Variants in OR3A2 observed in about 807,000 individuals in gnomAD.
The protein encoded by OR3A2 is olfactory receptor 3A2.
For missense variants in OR3A2, 318 were observed against 392.8 expected (o/e 0.81, Z 1.61); for synonymous variants, 126 against 159.3 (o/e 0.79, Z 1.57).
intron 2 of OR3A2, among the ~76,000 whole-genome samples, chr17:3,338,439 A>G (rs968714168): frequency 1.3e-5 from 2 of 152,068 alleles, no homozygotes; most frequent in African/African-American, 2.4e-5. Flanking sequence ...ATCTTGAATT[A>G]ATTTTTGTAT....
intron 2 of OR3A2, among the ~76,000 whole-genome samples, chr17:3,354,496 T>C (rs2049447658): frequency 1.3e-5 from 2 of 151,368 alleles, no homozygotes; most frequent in Admixed American, 6.6e-5. Flanking sequence ...GATTTCTTTA[T>C]GGTTTGATCT....
chr17:3,313,858 T>C (rs1307867232), intron 3 of OR3A2, among the ~76,000 whole-genome samples: 1 of 152,232 alleles, frequency 6.6e-6, no homozygotes, highest in Non-Finnish European at 1.5e-5. Context: ...AGATAGCTGA[T>C]GTTCAAGCCA....
At chr17:3,350,005 C>A (rs230461) in intron 2 of OR3A2, among the ~76,000 whole-genome samples, 2,900 of 147,186 alleles carry the variant, frequency 0.02, 107 homozygotes, top group African/African-American at 0.068. Context: ...ACACAACATA[C>A]CAGAATCTCT....
chr17:3,368,272 C>G (rs1040142397), intron 2 of OR3A2, among the ~76,000 whole-genome samples: 8 of 152,110 alleles, frequency 5.3e-5, no homozygotes, highest in African/African-American at 1.9e-4. Context: ...GTTTTTATTG[C>G]ATTTGCTTTT....
chr17:3,374,264 A>T (rs2049659823), intron 2 of OR3A2, among the ~76,000 whole-genome samples: 1 of 152,176 alleles, frequency 6.6e-6, no homozygotes, highest in African/African-American at 2.4e-5. Flanking sequence ...TAACCTGATG[A>T]CTATCTGCCC....
intron 3 of OR3A2, among the ~76,000 whole-genome samples, chr17:3,329,962 G>A (rs1419825959): frequency 1.4e-5 from 2 of 145,086 alleles, no homozygotes; most frequent in African/African-American, 2.7e-5. Context: ...CCTTCATTTC[G>A]TTATGTATCC....
chr17:3,282,921 A>G (rs1224557705), intron 1 of OR3A2, among the ~76,000 whole-genome samples: 1 of 152,092 alleles, frequency 6.6e-6, no homozygotes, highest in Non-Finnish European at 1.5e-5. Flanking sequence ...ATATTTCACA[A>G]CTTGACTCAA....
chr17:3,342,439 AG>A (rs1319076269), intron 2 of OR3A2, among the ~76,000 whole-genome samples: 1 of 152,172 alleles, frequency 6.6e-6, no homozygotes, highest in Non-Finnish European at 1.5e-5. Flanking sequence ...GGTGACCTAC[AG>A]ATGGGGTTTT....
intron 3 of OR3A2, among the ~76,000 whole-genome samples, chr17:3,334,059 C>A (rs2049259965): frequency 6.6e-6 from 1 of 152,140 alleles, no homozygotes; most frequent in East Asian, 1.9e-4. Context: ...ATTAAGATAT[C>A]ATCTCACACC....
Position 3,311,815 on chromosome 17 carries a change from ATTGGGAT to A in OR3A2, c.-85+24211_-85+24217del. ...CTCAGCCTCAGACAAAGATAAGGGG[ATTGGGAT>A]CCTCAACACTATCCTCAGTCCCATG... On this transcript the variant is annotated intron_variant, in intron 3 of 4. Transcript: ENST00000573491. The surrounding 1 kb of genome is among the most constrained non-coding windows in gnomAD (Gnocchi z 4.6). 1 of 195,974 alleles carries A rather than the reference ATTGGGAT, an allele frequency of 5.1e-6. No individual in the cohort carries two copies. The highest frequency in any genetic ancestry group is 1.1e-5 in the Non-Finnish European group (1 of 92,812). The allele number at this position is 195,974 out of a possible 1,614,324, so 12.1% of individuals were successfully genotyped here. A position where few individuals can be genotyped will look rare whatever the true frequency, so the allele number is the denominator to read the frequency against.
At chr17:3,324,921 A>G (rs1423390969) in intron 3 of OR3A2, among the ~76,000 whole-genome samples, 1 of 152,066 alleles carries the variant, frequency 6.6e-6, no homozygotes, top group Non-Finnish European at 1.5e-5. Flanking sequence ...TTTCCTTATT[A>G]AATCTGTCCT....
At chr17:3,306,087 T>C (rs1327738541) in intron 3 of OR3A2, among the ~76,000 whole-genome samples, 4 of 152,192 alleles carry the variant, frequency 2.6e-5, no homozygotes, top group African/African-American at 7.2e-5. Flanking sequence ...GTTCAGCAGC[T>C]CAGTGGAAGA....
intron 3 of OR3A2, among the ~76,000 whole-genome samples, chr17:3,325,672 C>G (rs2049165386): frequency 6.6e-6 from 1 of 151,962 alleles, no homozygotes; most frequent in African/African-American, 2.4e-5. Context: ...TTTTTCTGAT[C>G]AAGCCTCTTT....
At chr17:3,372,244 C>CTCCTCACTT (rs1346068535) in intron 2 of OR3A2, among the ~76,000 whole-genome samples, 1 of 148,534 alleles carries the variant, frequency 6.7e-6, no homozygotes, top group Non-Finnish European at 1.5e-5. Context: ...GGCAGAGATG[C>CTCCTCACTT]TCCTCACTTC....
At chr17:3,371,531 A>C (rs1270337179) in intron 2 of OR3A2, among the ~76,000 whole-genome samples, 347 of 96,390 alleles carry the variant, frequency 3.6e-3, no homozygotes, top group African/African-American at 0.013. Context: ...TGACCCCACC[A>C]CCTCCCTCCC....
At chr17:3,356,900 T>C (rs1289928121) in intron 2 of OR3A2, among the ~76,000 whole-genome samples, 1 of 151,682 alleles carries the variant, frequency 6.6e-6, no homozygotes, top group Non-Finnish European at 1.5e-5. Context: ...TTTTTTTCAC[T>C]AGAAGTTTCT....
intron 2 of OR3A2, among the ~76,000 whole-genome samples, chr17:3,353,322 TC>T (rs34505761): frequency 0.02 from 3,033 of 151,952 alleles, 109 homozygotes; most frequent in African/African-American, 0.067. Flanking sequence ...TCTGACTTCT[TC>T]TTTTCCAATT....
intron 2 of OR3A2, among the ~76,000 whole-genome samples, chr17:3,352,386 G>A (rs1434954151): frequency 2.6e-5 from 4 of 151,688 alleles, no homozygotes; most frequent in Non-Finnish European, 5.9e-5. Flanking sequence ...CATAGTTTGA[G>A]GTCTTCGATT....
upstream of OR3A2, among the ~76,000 whole-genome samples, chr17:3,287,690 T>C (rs1287604525): frequency 6.6e-6 from 1 of 152,220 alleles, no homozygotes. Flanking sequence ...AATTACATTA[T>C]TTATCACGTG....
Sources: allele counts gnomAD v4.1 joint callset (sites outside exome capture counted in the v4.1 genomes callset), GRCh38; gene constraint gnomAD v4.1.1; non-coding constraint Gnocchi (gnomAD v3.1); transcripts MANE v1.5; gene names NCBI Gene and HGNC (gene_info 2026-07-23, HGNC 2026-07-21).